The following ZBED4 variants were observed in gnomAD, a reference collection of about 807,000 sequenced individuals.
The protein encoded by ZBED4 is zinc finger BED domain-containing protein 4.
In ZBED4, 4 loss-of-function variants were observed where a neutral mutation model predicts 15.5. The observed-to-expected ratio is 0.26, with a 90% CI of 0.13 to 0.59. The LOEUF is 0.59. Ranked by LOEUF, ZBED4 falls within the 20% of genes least tolerant of loss-of-function variation. The pLI is 0.90. For missense variants in ZBED4, 1,323 were observed against 1,461.8 expected (o/e 0.91, Z 1.55); for synonymous variants, 692 against 608.5 (o/e 1.14, Z -2.02).
chr22:49,881,915 T>C (rs1280818780), intron 1 of ZBED4, among the ~76,000 whole-genome samples: 1 of 152,250 alleles, frequency 6.6e-6, no homozygotes. Context: ...AACCTGCATT[T>C]ATTTCTGGTG....
chr22:49,885,373 T>G lies in ZBED4; in HGVS notation c.1711T>G (p.Ser571Ala), dbSNP rs763952816. 1 of 1,592,422 alleles carries G rather than the reference T, an allele frequency of 6.3e-7. No individual in the cohort carries two copies. Among genetic ancestry groups the G allele is most frequent in the South Asian group, 1.1e-5 (1 of 90,358 alleles). The change falls in exon 2 of 2, where the codon TCC (serine) becomes GCC (alanine). Residue 571 changes from serine (S) to alanine (A), a missense_variant. Physicochemically the swap from Ser to Ala is moderately conservative, Grantham distance 99 (BLOSUM62 1). This residue lies in a region of ZBED4 where 429 missense variants were observed against 397.9 expected (regional missense o/e 1.08). Coordinates refer to ENST00000216268, the MANE Select transcript of ZBED4 (RefSeq NM_014838.3). The part of the protein sequence containing the change: ...SKLWNHFSIC[S>A]ADSTKVVCLH... ...GCTGTGGAATCATTTTTCTATTTGC[T>G]CCGCAGACTCCACAAAAGTCGTGTG...
chr22:49,869,244 A>C (rs1298546511), intron 1 of ZBED4, among the ~76,000 whole-genome samples: 1 of 152,116 alleles, frequency 6.6e-6, no homozygotes, highest in African/African-American at 2.4e-5. Flanking sequence ...ACGTACACAC[A>C]TGCATGTTGG....
At chr22:49,873,952 A>G (rs918495993) in intron 1 of ZBED4, among the ~76,000 whole-genome samples, 1 of 152,246 alleles carries the variant, frequency 6.6e-6, no homozygotes, top group Non-Finnish European at 1.5e-5. Flanking sequence ...GATGCCTGAA[A>G]TTAGGACATT....
In ZBED4 at chr22:49,889,738, C is replaced by T. The variant is rs549461196; in HGVS notation, c.*2560C>T. On this transcript the variant is annotated 3_prime_UTR_variant, in exon 2 of 2. Transcript: ENST00000216268. ...GCTGACAGTCCTGCAGGAAGATGGA[C>T]AAGAGGCCCAGTGCTGACAGTCACA... The T allele has an allele frequency of 2.0e-4, 34 of 167,302 alleles. No individual in the cohort carries two copies. The highest frequency in any genetic ancestry group is 2.6e-4 in the Non-Finnish European group (18 of 68,108). 10.4% of individuals were successfully genotyped at this position (167,302 alleles called of 1,614,324 possible).
Position 49,885,322 on chromosome 22 carries a change from C to A in ZBED4, c.1660C>A (p.Pro554Thr), listed in dbSNP as rs976724304. Reference sequence around the variant, plus strand: ...CACAAAAAACAATCAAGTTATGTTTCCTGTTAATAGCAAAAAGACCTCGAA... The same window carrying A: ...CACAAAAAACAATCAAGTTATGTTTACTGTTAATAGCAAAAAGACCTCGAA... ...VVTKNNQVMFPVNSKKTSKLW... is the reference protein window; with the variant it reads ...VVTKNNQVMFTVNSKKTSKLW... Residue 554 changes from proline to threonine, a missense_variant, in exon 2 of 2, where the codon CCT (proline) becomes ACT (threonine). Coordinates refer to ENST00000216268, the MANE Select transcript of ZBED4 (RefSeq NM_014838.3). The A allele has an allele frequency of 1.9e-6, 3 of 1,592,356 alleles. No individual in the cohort carries two copies. The highest frequency in any genetic ancestry group is 2.6e-6 in the Non-Finnish European group (3 of 1,168,174).
chr22:49,878,301 CA>C (rs71196388), intron 1 of ZBED4, among the ~76,000 whole-genome samples: 3,802 of 107,146 alleles, frequency 0.035, 97 homozygotes, highest in African/African-American at 0.1. Flanking sequence ...GACACTGTCT[CA>C]AAAAAAAAAA....
Position 49,886,836 on chromosome 22 carries a change from T to C in ZBED4, c.3174T>C (p.Ser1058=). The change falls in exon 2 of 2, where the codon TCT becomes TCC. Residue 1058 remains serine (S), a synonymous_variant. Transcript: ENST00000216268. This position sits in a 1 kb window ranked among gnomAD's most constrained non-coding sequence, Gnocchi z 7.7. The part of the protein sequence containing the change: ...RCDAGSPSKD[S]AAEENLWSLV... ...ATGCTGGCTCCCCGTCGAAAGACTC[T>C]GCCGCAGAGGAGAACCTGTGGTCAC... is the stretch of plus-strand genomic sequence containing the variant. The C allele has an allele frequency of 6.2e-7, 1 of 1,614,020 alleles. No homozygotes were observed. The highest frequency in any genetic ancestry group is 8.5e-7 in the Non-Finnish European group (1 of 1,180,018).
In ZBED4 at chr22:49,885,693, C is replaced by T. The variant is rs1300494597; in HGVS notation, c.2031C>T (p.Asp677=). 8 of 1,610,782 alleles carry T rather than the reference C, an allele frequency of 5.0e-6. No individual in the cohort carries two copies. The African/African-American group carries it at 8.0e-5, about 16-fold the overall frequency. The part of the protein sequence containing the change: ...ALDLQPYSFV[D]NVGFNRLLEY... The stretch of plus-strand genomic sequence containing the variant: ...ACCTCCAGCCATATTCTTTTGTAGA[C>T]AACGTTGGCTTTAACAGGCTGCTTG... Residue 677 remains aspartate (D), a synonymous_variant, in exon 2 of 2, where the codon GAC becomes GAT. Coordinates refer to ENST00000216268, the MANE Select transcript of ZBED4 (RefSeq NM_014838.3).
chr22:49,865,611 G>A (rs1426547363), intron 1 of ZBED4, among the ~76,000 whole-genome samples: 2 of 152,062 alleles, frequency 1.3e-5, no homozygotes, highest in Non-Finnish European at 2.9e-5. Context: ...GGAGGCAGAG[G>A]GTGCAGTGAG....
Position 49,870,845 on chromosome 22 carries a change from A to AT in ZBED4, c.-329-12484dup, listed in dbSNP as rs2060343608. Among the ~76,000 whole-genome samples the AT allele has an allele frequency of 2.0e-5, 3 of 152,112 alleles. No homozygotes were observed. In the South Asian group the frequency reaches 6.2e-4, roughly 32 times the overall value. On this transcript the variant is annotated intron_variant, in intron 1 of 1. Coordinates refer to ENST00000216268, the MANE Select transcript of ZBED4 (RefSeq NM_014838.3). ...CTCTTTAGTTAGGTCCCAGTTGTCAATTTTTGTTTCTGTTACAATCCACTC... is the reference window on the plus strand; with the variant it reads ...CTCTTTAGTTAGGTCCCAGTTGTCAATTTTTTGTTTCTGTTACAATCCACTC...
chr22:49,885,919 T>G lies in ZBED4; in HGVS notation c.2257T>G (p.Phe753Val). Residue 753 changes from phenylalanine to valine, a missense_variant, in exon 2 of 2, where the codon TTC (phenylalanine) becomes GTC (valine). By Grantham distance (50) the Phe-to-Val change is conservative. Around this residue, in one of 6 missense-constraint regions of ZBED4, gnomAD observed 100 missense variants for 79.3 expected, o/e 1.26. Coordinates refer to ENST00000216268, the MANE Select transcript of ZBED4 (RefSeq NM_014838.3). ...GACCCTCACGGCCCACTGGGTTTCC[T>G]TCGAGTCGCCAGCCCGGCCGCGCTG... ...YLTLTAHWVS[F>V]ESPARPRCDD... 1.1e-6 allele frequency: 1 copy of G among 923,850 alleles called. No homozygotes were observed. The highest frequency in any genetic ancestry group is 1.7e-6 in the Non-Finnish European group (1 of 572,802). 57.2% of individuals were successfully genotyped at this position (923,850 alleles called of 1,614,324 possible).
At chr22:49,865,328 T>C (rs2060317210) in intron 1 of ZBED4, among the ~76,000 whole-genome samples, 1 of 152,060 alleles carries the variant, frequency 6.6e-6, no homozygotes, top group Non-Finnish European at 1.5e-5. Context: ...GAGGTGTTGC[T>C]GTGCAGCACG....
In ZBED4 at chr22:49,887,472, T is replaced by G; in HGVS notation, c.*294T>G. The G allele has an allele frequency of 3.5e-6, 1 of 284,312 alleles. No homozygotes were observed. Among genetic ancestry groups the G allele is most frequent in the East Asian group, 6.3e-5 (1 of 15,942 alleles). 17.6% of individuals were successfully genotyped at this position (284,312 alleles called of 1,614,324 possible). A position where few individuals can be genotyped will look rare whatever the true frequency, so the allele number is the denominator to read the frequency against. The stretch of plus-strand genomic sequence containing the variant: ...AAAGTTTTTTAAAGTTTTGGGTTAG[T>G]AATTTGTTTTACTAGAATGACAAAG... On this transcript the variant is annotated 3_prime_UTR_variant, in exon 2 of 2. Coordinates refer to ENST00000216268, the MANE Select transcript of ZBED4 (RefSeq NM_014838.3).
intron 1 of ZBED4, among the ~76,000 whole-genome samples, chr22:49,880,201 T>C (rs548631863): frequency 7.2e-5 from 11 of 152,218 alleles, no homozygotes; most frequent in South Asian, 4.2e-4. Context: ...AAGCCCACTG[T>C]TCAGTCCGGA....
At chr22:49,876,943 G>A (rs923801982) in intron 1 of ZBED4, among the ~76,000 whole-genome samples, 3 of 152,278 alleles carry the variant, frequency 2.0e-5, no homozygotes, top group Middle Eastern at 3.4e-3. Flanking sequence ...TGATGAATCC[G>A]ATTTTTCCAA....
At chr22:49,879,425 C>T (rs77964495) in intron 1 of ZBED4, among the ~76,000 whole-genome samples, 6,934 of 152,004 alleles carry the variant, frequency 0.046, 359 homozygotes, top group African/African-American at 0.13. Context: ...CCAAACCCAG[C>T]CTAATTTTTG....
chr22:49,874,560 A>G lies in ZBED4; in HGVS notation c.-329-8774A>G, dbSNP rs957656855. On this transcript the variant is annotated intron_variant, in intron 1 of 1. Coordinates refer to ENST00000216268, the MANE Select transcript of ZBED4 (RefSeq NM_014838.3). ...ACCACCATTTTTGTATTTTTAGTAG[A>G]CATGGGATTTCACCAGTTTGGCCAG... Among the ~76,000 whole-genome samples the G allele has an allele frequency of 3.4e-5, 5 of 148,740 alleles. No individual in the cohort carries two copies. In the East Asian group the frequency reaches 6.0e-4, roughly 18 times the overall value.
chr22:49,887,104 A>C lies in ZBED4; in HGVS notation c.3442A>C (p.Arg1148=), dbSNP rs1285626838. The C allele has an allele frequency of 1.2e-6, 2 of 1,614,026 alleles. No individual in the cohort carries two copies. The highest frequency in any genetic ancestry group is 4.5e-5 in the East Asian group (2 of 44,884). ...TGAGAACGGTAGCCTTGGCCAATCC[A>C]GGCTCATGATGGAACATTTTGAAAA... ...PTENGSLGQS[R]LMMEHFEKLI... is the part of the protein sequence containing the mutation. The change falls in exon 2 of 2, where the codon AGG becomes CGG. Residue 1148 remains arginine (R), a synonymous_variant. Transcript: ENST00000216268.
At chr22:49,861,066 A>T (rs1416442763) in intron 1 of ZBED4, among the ~76,000 whole-genome samples, 1 of 152,092 alleles carries the variant, frequency 6.6e-6, no homozygotes, top group Non-Finnish European at 1.5e-5. Context: ...ATGAGCCACC[A>T]TGCCCGGCCT....
Sources: gnomAD v4.1 joint callset for allele counts (sites outside exome capture counted in the v4.1 genomes callset) on GRCh38, gnomAD v4.1.1 for gene constraint, gnomAD v4.1.1 regional missense constraint, Gnocchi (gnomAD v3.1) non-coding constraint, MANE v1.5 for transcripts, NCBI Gene and HGNC (gene_info 2026-07-23, HGNC 2026-07-21) for gene names.